The following CACNB2 variants were observed in gnomAD, a reference collection of about 807,000 sequenced individuals.
The protein encoded by CACNB2 is calcium voltage-gated channel auxiliary subunit beta 2, also known as voltage-dependent L-type calcium channel subunit beta-2.
CACNB2 carries 42 observed loss-of-function variants against 73.3 expected under a neutral mutation model. That is an observed-to-expected ratio of 0.57 (90% CI 0.45 to 0.74). The LOEUF (loss-of-function observed/expected upper bound fraction) is 0.74, where lower values mean the gene tolerates loss of function less well. CACNB2 is among the 30% of genes least tolerant of loss of function. CACNB2 has a pLI of 0.00. For missense variants in CACNB2, 940 were observed against 853.0 expected, an observed-to-expected ratio of 1.10 and a Z score of -1.27; for synonymous variants, 348 against 310.3, an observed-to-expected ratio of 1.12 and a Z score of -1.28.
At chr10:18,390,543 A>G (rs926337085) in intron 2 of CACNB2, among the ~76,000 whole-genome samples, 1 of 152,200 alleles carries the variant, frequency 6.6e-6, no homozygotes, top group African/African-American at 2.4e-5. Context: ...TAGAGAGTCT[A>G]TTAAGATATT....
rs183126280 is a variant in CACNB2, at chr10:18,494,425, C to G, written c.334-3930C>G. ...TGGGTGGATCACAAGGTCAGGAGAT[C>G]GAGACCATCCTGGCTAACACGGTGA... On this transcript the variant is annotated intron_variant, in intron 3 of 13. Transcript: ENST00000324631. Among the ~76,000 whole-genome samples the G allele has an allele frequency of 4.7e-3, 709 of 151,904 alleles. 4 individuals carry two copies. The highest frequency in any genetic ancestry group is 7.8e-3 in the Non-Finnish European group (532 of 67,970).
At chr10:18,406,607 C>T (rs2044301434) in intron 3 of CACNB2, among the ~76,000 whole-genome samples, 1 of 152,138 alleles carries the variant, frequency 6.6e-6, no homozygotes, top group Non-Finnish European at 1.5e-5. Context: ...CTGGATGGGA[C>T]CATCTAGTTG....
chr10:18,267,480 C>T (rs552368377), intron 2 of CACNB2, among the ~76,000 whole-genome samples: 2 of 151,990 alleles, frequency 1.3e-5, no homozygotes, highest in East Asian at 1.9e-4. Context: ...GTGGCGGGCA[C>T]CTGTAATCCC....
intron 2 of CACNB2, among the ~76,000 whole-genome samples, chr10:18,248,871 A>G (rs1405447168): frequency 4.6e-5 from 7 of 152,046 alleles, no homozygotes; most frequent in Non-Finnish European, 2.9e-5. Context: ...CATCAGCCTA[A>G]ACCTGACTCT....
intron 2 of CACNB2, among the ~76,000 whole-genome samples, chr10:18,362,625 C>T (rs1300810030): frequency 6.6e-6 from 1 of 152,086 alleles, no homozygotes; most frequent in Non-Finnish European, 1.5e-5. Flanking sequence ...GTTAAAAGTC[C>T]ATAACAAATA....
chr10:18,208,815 A>G (rs2035203353), intron 2 of CACNB2, among the ~76,000 whole-genome samples: 1 of 150,798 alleles, frequency 6.6e-6, no homozygotes, highest in Admixed American at 6.6e-5. Flanking sequence ...GAGCGGTAGA[A>G]GATACGACGT....
chr10:18,144,876 G>C (rs1333024320), intron 1 of CACNB2, among the ~76,000 whole-genome samples: 1 of 152,142 alleles, frequency 6.6e-6, no homozygotes, highest in Non-Finnish European at 1.5e-5. Context: ...TTTCTATTGG[G>C]CAACATTAAA....
chr10:18,250,879 C>T (rs900084729), intron 2 of CACNB2, among the ~76,000 whole-genome samples: 5 of 152,252 alleles, frequency 3.3e-5, no homozygotes, highest in Admixed American at 3.3e-4. Flanking sequence ...ACATCATCTT[C>T]TCCCCAGTCT....
intron 2 of CACNB2, chr10:18,257,129 TCTC>T (rs1397436642): frequency 2.0e-5 from 3 of 152,266 alleles, no homozygotes; most frequent in African/African-American, 4.8e-5. Context: ...GTCGCTCTCT[TCTC>T]CTGAATGTGC....
intron 2 of CACNB2, chr10:18,261,364 A>G: frequency 6.4e-7 from 1 of 1,551,346 alleles, no homozygotes; most frequent in South Asian, 1.2e-5. Context: ...TGAAAATACT[A>G]TTCGTGTCTG....
intron 2 of CACNB2, among the ~76,000 whole-genome samples, chr10:18,250,957 T>G (rs1181676532): frequency 6.6e-6 from 1 of 152,272 alleles, no homozygotes; most frequent in Non-Finnish European, 1.5e-5. Flanking sequence ...AGCTGCAAGC[T>G]GAGGTGGATG....
chr10:18,361,334 T>TAAA (rs113930288), intron 2 of CACNB2, among the ~76,000 whole-genome samples: 3 of 136,498 alleles, frequency 2.2e-5, no homozygotes, highest in East Asian at 2.2e-4. Context: ...TACAAAAAAT[T>TAAA]AAAAAAAAAA....
intron 2 of CACNB2, among the ~76,000 whole-genome samples, chr10:18,220,262 GA>G (rs2035735123): frequency 8.1e-6 from 1 of 124,112 alleles, no homozygotes; most frequent in Non-Finnish European, 1.6e-5. Context: ...GAGAGAGAGA[GA>G]GAGAGAGAGA....
intron 3 of CACNB2, among the ~76,000 whole-genome samples, chr10:18,448,366 C>T (rs974715712): frequency 6.6e-6 from 1 of 151,214 alleles, no homozygotes; most frequent in African/African-American, 2.4e-5. Context: ...TCCAGCTACT[C>T]AGGAGCTCTG....
At chr10:18,180,619 A>G (rs1315636658) in intron 2 of CACNB2, among the ~76,000 whole-genome samples, 1 of 152,096 alleles carries the variant, frequency 6.6e-6, no homozygotes, top group South Asian at 2.1e-4. Flanking sequence ...TGTAAACCAC[A>G]CATCAATGTC....
intron 2 of CACNB2, among the ~76,000 whole-genome samples, chr10:18,209,047 C>T (rs748209894): frequency 2.0e-5 from 3 of 152,294 alleles, no homozygotes; most frequent in African/African-American, 4.8e-5. Flanking sequence ...ATAATCTTTT[C>T]CAGATTAGCT....
chr10:18,512,919 C>A (rs1195925416), intron 6 of CACNB2, among the ~76,000 whole-genome samples: 1 of 152,116 alleles, frequency 6.6e-6, no homozygotes, highest in African/African-American at 2.4e-5. Context: ...GATGTGCAGC[C>A]AGGCGTTGTC....
chr10:18,260,884 C>T (rs989367892), intron 2 of CACNB2: 1 of 1,099,066 alleles, frequency 9.1e-7, no homozygotes, highest in Non-Finnish European at 1.1e-6. Flanking sequence ...TTGAAAATCT[C>T]CCGAGTTGAG....
At chr10:18,286,462 A>C (rs993900391) in intron 2 of CACNB2, among the ~76,000 whole-genome samples, 6 of 140,072 alleles carry the variant, frequency 4.3e-5, no homozygotes, top group Non-Finnish European at 9.1e-5. Flanking sequence ...AGCTTGCAGC[A>C]AGCCGAGATA....
Sources: allele counts gnomAD v4.1 joint callset (sites outside exome capture counted in the v4.1 genomes callset), GRCh38; gene constraint gnomAD v4.1.1; transcripts MANE v1.5; gene names NCBI Gene and HGNC (gene_info 2026-07-23, HGNC 2026-07-21).